ABR: variants seen among roughly 807,000 people sequenced by gnomAD.
The protein encoded by ABR is active breakpoint cluster region-related protein.
Under a neutral mutation model 107.2 loss-of-function variants are expected in ABR, and 35 were observed. The ratio of observed to expected loss-of-function variants is 0.33; its 90% CI spans 0.25 to 0.43. The LOEUF (loss-of-function observed/expected upper bound fraction) is 0.43, where lower values mean the gene tolerates loss of function less well. Among genes scored for constraint, ABR ranks in the 20% least tolerant of loss-of-function variants. The pLI, the probability that ABR is intolerant of heterozygous loss-of-function variation, is 1.00. For missense variants in ABR, 815 were observed against 1,115.2 expected, an observed-to-expected ratio of 0.73 and a Z score of 3.83; for synonymous variants, 498 against 462.0, an observed-to-expected ratio of 1.08 and a Z score of -1.00.
At chr17:1,174,299 A>G (rs2041847978) in intron 1 of ABR, among the ~76,000 whole-genome samples, 1 of 152,248 alleles carries the variant, frequency 6.6e-6, no homozygotes, top group Non-Finnish European at 1.5e-5. Context: ...GTTGACAAAA[A>G]GGAATAAATT....
intron 16 of ABR, among the ~76,000 whole-genome samples, chr17:1,022,251 C>T (rs1318992729): frequency 6.6e-6 from 1 of 152,204 alleles, no homozygotes; most frequent in Non-Finnish European, 1.5e-5. Flanking sequence ...GGCCCTGAGC[C>T]AGGCATCGGG....
intron 1 of ABR, among the ~76,000 whole-genome samples, chr17:1,149,854 G>C (rs139384199): frequency 1.7e-3 from 262 of 152,358 alleles, no homozygotes; most frequent in African/African-American, 5.9e-3. Flanking sequence ...AGTTTTAGCT[G>C]TGTGTCCTGG....
At position 1,005,510 on chromosome 17, in the gene ABR, C is replaced by T. The variant is rs1193475685; in HGVS notation, c.*570G>A. On this transcript the variant is annotated 3_prime_UTR_variant, in exon 23 of 23. Transcript: ENST00000302538. ...AGCATCAAACAGACCACTGCTGCCG[C>T]GGCAACCCAGGGCCTCTTCAGAGCT... The T allele has an allele frequency of 1.4e-5, 3 of 220,868 alleles. No individual in the cohort carries two copies. The highest frequency in any genetic ancestry group is 8.8e-6 in the Non-Finnish European group (1 of 113,446). 13.7% of individuals were successfully genotyped at this position (220,868 alleles called of 1,614,324 possible).
chr17:1,183,306 C>T (rs536516017), upstream of ABR, among the ~76,000 whole-genome samples: 1 of 152,226 alleles, frequency 6.6e-6, no homozygotes, highest in East Asian at 1.9e-4. Flanking sequence ...CTCCACCCTC[C>T]CAGCCCTCCC....
chr17:1,032,173 G>A (rs1438103807), intron 16 of ABR, among the ~76,000 whole-genome samples: 1 of 152,106 alleles, frequency 6.6e-6, no homozygotes, highest in African/African-American at 2.4e-5. Context: ...CCGGGGGCCA[G>A]GCGGGGGCTG....
At chr17:1,065,736 C>T (rs980430670) in intron 10 of ABR, among the ~76,000 whole-genome samples, 1 of 134,974 alleles carries the variant, frequency 7.4e-6, no homozygotes, top group East Asian at 2.4e-4. Flanking sequence ...ACTTTCCAAA[C>T]CAATGCTTTT....
At chr17:1,126,737 C>T (rs2039620322) in intron 1 of ABR, among the ~76,000 whole-genome samples, 1 of 152,220 alleles carries the variant, frequency 6.6e-6, no homozygotes, top group Non-Finnish European at 1.5e-5. Flanking sequence ...CCCCATGGCA[C>T]CTGGCCCCCT....
intron 1 of ABR, among the ~76,000 whole-genome samples, chr17:1,204,876 C>A (rs1367273946): frequency 2.1e-5 from 3 of 141,792 alleles, no homozygotes; most frequent in Non-Finnish European, 3.1e-5. Context: ...CTCAGAACCT[C>A]TTTTTTTCTT....
At chr17:1,188,284 C>T (rs972706374), upstream of ABR, among the ~76,000 whole-genome samples, 4 of 152,054 alleles carry the variant, frequency 2.6e-5, no homozygotes, top group Non-Finnish European at 5.9e-5. Flanking sequence ...GCTGCAGTGG[C>T]TTATGCCTGT....
chr17:1,060,239 C>T (rs1180148008), intron 10 of ABR, among the ~76,000 whole-genome samples: 25 of 152,102 alleles, frequency 1.6e-4, no homozygotes, highest in East Asian at 1.9e-4. Flanking sequence ...GGTGAAACTC[C>T]GTCTCTACTA....
At chr17:1,109,091 C>A (rs1459590972) in intron 2 of ABR, 2 of 1,587,990 alleles carry the variant, frequency 1.3e-6, no homozygotes, top group Non-Finnish European at 1.7e-6. Context: ...CCGCGGAGGG[C>A]AGACAGGAAG....
chr17:1,059,951 T>C (rs866080043), intron 10 of ABR, among the ~76,000 whole-genome samples: 1 of 152,258 alleles, frequency 6.6e-6, no homozygotes, highest in African/African-American at 2.4e-5. Context: ...AAGCGCACAC[T>C]CACCCTGCCC....
At chr17:1,117,129 TCCC>T (rs2039026501) in intron 2 of ABR, among the ~76,000 whole-genome samples, 1 of 69,888 alleles carries the variant, frequency 1.4e-5, no homozygotes, top group African/African-American at 5.1e-5. Flanking sequence ...CCCAGCGTTA[TCCC>T]TGAGCCTGAG....
chr17:1,070,067 G>A lies in ABR; in HGVS notation c.918C>T (p.Gly306=), dbSNP rs1178265042. 3 of 1,613,774 alleles carry A rather than the reference G, an allele frequency of 1.9e-6. No individual in the cohort carries two copies. Among genetic ancestry groups the A allele is most frequent in the Admixed American group, 3.3e-5 (2 of 59,982 alleles). The change falls in exon 9 of 23, where the codon GGC becomes GGT. Residue 306 remains glycine, a synonymous_variant. Transcript: ENST00000302538. This position sits in a 1 kb window ranked among gnomAD's most constrained non-coding sequence, Gnocchi z 4.2. ...KGETRQLVKD[G]FLVEVSESSR... is the part of the protein sequence containing the mutation. ...AGCTCTCTGACACTTCCACCAGGAA[G>A]CCGTCCTTCACCAGCTGTCGCGTCT...
intron 4 of ABR, among the ~76,000 whole-genome samples, chr17:1,089,527 A>T (rs1323589139): frequency 6.6e-6 from 1 of 152,010 alleles, no homozygotes; most frequent in Admixed American, 6.6e-5. Flanking sequence ...GAGAAACAGG[A>T]CTCTCAGGAC....
intron 2 of ABR, among the ~76,000 whole-genome samples, chr17:1,121,812 C>T (rs55788347): frequency 0.39 from 58,752 of 151,422 alleles, 12,744 homozygotes; most frequent in East Asian, 0.57. Context: ...TCCCCACTAC[C>T]TTTCAGGGGA....
At chr17:1,081,210 C>T (rs1470306754) in intron 5 of ABR, among the ~76,000 whole-genome samples, 4 of 152,134 alleles carry the variant, frequency 2.6e-5, no homozygotes, top group South Asian at 2.1e-4. Context: ...GGCTGGAAAC[C>T]GCAGGGAAAG....
At chr17:1,214,803 AAG>A (rs1491394226) in intron 1 of ABR, among the ~76,000 whole-genome samples, 7,433 of 138,848 alleles carry the variant, frequency 0.054, 629 homozygotes, top group African/African-American at 0.18. Flanking sequence ...CTCCACCTCA[AAG>A]AAAAAAATAT....
At chr17:1,079,269 C>T in intron 6 of ABR, 61 bp downstream of exon 6, 1 of 1,584,372 alleles carries the variant, frequency 6.3e-7, no homozygotes, top group South Asian at 1.1e-5. Flanking sequence ...TTCACGCAGC[C>T]TGTTGCCTGC....
Sources: gnomAD v4.1 joint callset for allele counts (sites outside exome capture counted in the v4.1 genomes callset) on GRCh38, gnomAD v4.1.1 for gene constraint, Gnocchi (gnomAD v3.1) non-coding constraint, MANE v1.5 for transcripts, NCBI Gene and HGNC (gene_info 2026-07-23, HGNC 2026-07-21) for gene names.